Variants in SGCZ observed in about 807,000 individuals in gnomAD.
SGCZ encodes the protein sarcoglycan zeta.
A neutral mutation model predicts 41.3 loss-of-function variants in SGCZ; 40 were observed. The ratio of observed to expected loss-of-function variants is 0.97; its 90% CI spans 0.75 to 1.26. The LOEUF (loss-of-function observed/expected upper bound fraction) is 1.26, where lower values mean the gene tolerates loss of function less well. Ranked by LOEUF, SGCZ falls within the 50% of genes most tolerant of loss-of-function variation. SGCZ has a pLI of 0.00. For synonymous variants in SGCZ, 206 were observed against 137.5 expected, an observed-to-expected ratio of 1.50 and a Z score of -3.49; for missense variants, 552 against 369.8, an observed-to-expected ratio of 1.49 and a Z score of -4.04.
At chr8:14,238,620 T>C (rs2117171003) in intron 3 of SGCZ, among the ~76,000 whole-genome samples, 1 of 152,332 alleles carries the variant, frequency 6.6e-6, no homozygotes, top group South Asian at 2.1e-4. Context: ...CACAGACAAG[T>C]AACATCCAAA....
intron 1 of SGCZ, among the ~76,000 whole-genome samples, chr8:14,914,583 C>T (rs2130781872): frequency 6.6e-6 from 1 of 152,076 alleles, no homozygotes; most frequent in South Asian, 2.1e-4. Context: ...TTAGTCATAG[C>T]CCATACATTC....
chr8:14,364,547 G>C (rs1179648214), intron 2 of SGCZ, among the ~76,000 whole-genome samples: 1 of 151,864 alleles, frequency 6.6e-6, no homozygotes, highest in Non-Finnish European at 1.5e-5. Flanking sequence ...TCTAATCCAT[G>C]CCAAACCTCT....
intron 1 of SGCZ, among the ~76,000 whole-genome samples, chr8:14,936,716 A>C (rs1239224946): frequency 6.6e-6 from 1 of 152,014 alleles, no homozygotes; most frequent in Non-Finnish European, 1.5e-5. Flanking sequence ...CATACATACC[A>C]CATTACTTGG....
At chr8:14,362,433 A>G (rs933949160) in intron 2 of SGCZ, among the ~76,000 whole-genome samples, 12 of 152,208 alleles carry the variant, frequency 7.9e-5, no homozygotes, top group South Asian at 2.1e-4. Context: ...AAGCTCCAGC[A>G]TCCCAGGTGG....
intron 2 of SGCZ, among the ~76,000 whole-genome samples, chr8:14,397,857 G>C (rs1798963766): frequency 6.6e-6 from 1 of 152,090 alleles, no homozygotes; most frequent in African/African-American, 2.4e-5. Context: ...ACCCTGAGCA[G>C]AGCCATGGAC....
At chr8:15,096,554 C>T (rs1806353017) in intron 1 of SGCZ, among the ~76,000 whole-genome samples, 1 of 152,170 alleles carries the variant, frequency 6.6e-6, no homozygotes, top group South Asian at 2.1e-4. Flanking sequence ...ACATGTAATG[C>T]TTCCACCTAT....
intron 1 of SGCZ, among the ~76,000 whole-genome samples, chr8:15,182,421 C>T (rs1323206095): frequency 6.6e-6 from 1 of 152,138 alleles, no homozygotes; most frequent in Non-Finnish European, 1.5e-5. Flanking sequence ...GATCCTACTA[C>T]ATACCAAAGA....
chr8:14,789,800 A>G (rs1443897332), intron 1 of SGCZ, among the ~76,000 whole-genome samples: 1 of 152,150 alleles, frequency 6.6e-6, no homozygotes, highest in Non-Finnish European at 1.5e-5. Context: ...CTCTCAGTAC[A>G]AAATAAGTGG....
At position 14,554,817 on chromosome 8, in the gene SGCZ, T is replaced by G. The variant is rs1003645419; in HGVS notation, c.149A>C (p.Tyr50Ser). Residue 50 changes from tyrosine (Y) to serine (S), a missense_variant, in exon 2 of 8, where the codon TAC (tyrosine) becomes TCC (serine). Transcript: ENST00000382080. ...GIYGWRKRCL[Y>S]FFVLLLLVTM... is the part of the protein sequence containing the mutation. ...AACCAACAGCAGAAGGACAAAGAAG[T>G]ATAAGCACCTCTTTCGCCATCCATA... The G allele has an allele frequency of 6.2e-7, 1 of 1,613,190 alleles. No individual in the cohort carries two copies. The highest frequency in any genetic ancestry group is 1.7e-5 in the Admixed American group (1 of 59,854).
intron 1 of SGCZ, among the ~76,000 whole-genome samples, chr8:15,035,478 A>T (rs1803841290): frequency 6.6e-6 from 1 of 152,172 alleles, no homozygotes. Context: ...TTAACAAAAT[A>T]TCAGTTGTAA....
At chr8:15,209,347 C>T (rs7003284) in intron 1 of SGCZ, among the ~76,000 whole-genome samples, 118,703 of 151,802 alleles carry the variant, frequency 0.78, 46,859 homozygotes, top group Non-Finnish European at 0.83. Context: ...GAAGGGAGTA[C>T]TAAAAATTAA....
rs78860110 is a variant in SGCZ, at chr8:15,079,470, G to A, written c.39+158115C>T. 1.0e-3 allele frequency among the ~76,000 whole-genome samples: 157 copies of A among 152,060 alleles called. 1 individual carries two copies. In the East Asian group the frequency reaches 0.029, roughly 28 times the overall value. ...ACTATAAGATGAAATTATTTTTTCT[G>A]GCTTATAGATAACTTGGGTTTCACC... On this transcript the variant is annotated intron_variant, in intron 1 of 7. Transcript: ENST00000382080.
chr8:14,380,438 A>G (rs772039286), intron 2 of SGCZ, among the ~76,000 whole-genome samples: 14 of 151,966 alleles, frequency 9.2e-5, no homozygotes, highest in Non-Finnish European at 1.6e-4. Context: ...AAAGGTTATC[A>G]AAATATGTTT....
chr8:14,507,751 T>C (rs1802346676), intron 2 of SGCZ, among the ~76,000 whole-genome samples: 1 of 145,160 alleles, frequency 6.9e-6, no homozygotes, highest in South Asian at 2.2e-4. Flanking sequence ...TGTTTTTGTT[T>C]GTTTGTTTGT....
At chr8:15,001,246 A>G (rs1802409015) in intron 1 of SGCZ, among the ~76,000 whole-genome samples, 1 of 152,214 alleles carries the variant, frequency 6.6e-6, no homozygotes, top group South Asian at 2.1e-4. Flanking sequence ...GTATCGTCAC[A>G]TTTCTGAGAT....
intron 1 of SGCZ, among the ~76,000 whole-genome samples, chr8:14,618,954 A>G (rs1018757289): frequency 1.3e-5 from 2 of 152,162 alleles, no homozygotes; most frequent in African/African-American, 4.8e-5. Context: ...AACATGTTTT[A>G]TGGAAAATCG....
chr8:14,958,944 T>C (rs948217835), intron 1 of SGCZ, among the ~76,000 whole-genome samples: 1 of 152,126 alleles, frequency 6.6e-6, no homozygotes, highest in Non-Finnish European at 1.5e-5. Flanking sequence ...TCTAAAACTC[T>C]TTTAATCTTT....
intron 2 of SGCZ, among the ~76,000 whole-genome samples, chr8:14,546,498 A>G (rs1196898544): frequency 6.6e-6 from 1 of 152,142 alleles, no homozygotes; most frequent in Admixed American, 6.6e-5. Flanking sequence ...GCCATTAATA[A>G]ATGTCATTGT....
At chr8:15,157,698 C>T (rs1049326679) in intron 1 of SGCZ, among the ~76,000 whole-genome samples, 2 of 152,138 alleles carry the variant, frequency 1.3e-5, no homozygotes, top group Non-Finnish European at 2.9e-5. Context: ...CATGCAGACA[C>T]AGACACACTC....
Sources: gnomAD v4.1 joint callset for allele counts (sites outside exome capture counted in the v4.1 genomes callset) on GRCh38, gnomAD v4.1.1 for gene constraint, MANE v1.5 for transcripts, NCBI Gene and HGNC (gene_info 2026-07-23, HGNC 2026-07-21) for gene names.